The following LEKR1 variants were observed in gnomAD, a reference collection of about 807,000 sequenced individuals.
LEKR1 encodes protein LEKR1.
A neutral mutation model predicts 72.4 loss-of-function variants in LEKR1; 59 were observed. That is an observed-to-expected ratio of 0.82 (90% confidence interval 0.66 to 1.01). LEKR1 has a LOEUF of 1.01. Among genes scored for constraint, LEKR1 ranks in the 50% least tolerant of loss-of-function variants. The pLI is 0.00. For synonymous variants in LEKR1, 257 were observed against 263.2 expected (o/e 0.98, Z 0.23); for missense variants, 728 against 759.2 (o/e 0.96, Z 0.48).
chr3:156,973,807 T>A (rs976589207), intron 6 of LEKR1, among the ~76,000 whole-genome samples: 3 of 152,094 alleles, frequency 2.0e-5, no homozygotes, highest in African/African-American at 7.2e-5. Context: ...GAACTGCAAG[T>A]TAAACCAGAG....
At chr3:156,858,357 CA>C (rs1479133595) in intron 3 of LEKR1, among the ~76,000 whole-genome samples, 22 of 151,980 alleles carry the variant, frequency 1.4e-4, no homozygotes, top group African/African-American at 5.3e-4. Flanking sequence ...TTAAATTAAT[CA>C]AATATGTTCC....
intron 5 of LEKR1, among the ~76,000 whole-genome samples, chr3:156,936,173 A>T (rs1725681362): frequency 6.6e-6 from 1 of 152,148 alleles, no homozygotes; most frequent in South Asian, 2.1e-4. Flanking sequence ...ATCAGGAAAA[A>T]TCTGGAGAGT....
chr3:157,013,680 A>G (rs1360000135), intron 10 of LEKR1, among the ~76,000 whole-genome samples: 1 of 152,120 alleles, frequency 6.6e-6, no homozygotes, highest in Non-Finnish European at 1.5e-5. Context: ...AGAAAAGCAA[A>G]GGACTAATAA....
At position 157,033,099 on chromosome 3, in the gene LEKR1, G is replaced by A. The variant is rs376488400; in HGVS notation, c.1668+4697G>A. Among the ~76,000 whole-genome samples the A allele has an allele frequency of 1.6e-4, 24 of 152,194 alleles. No homozygotes were observed. In the South Asian group the frequency reaches 3.9e-3, roughly 25 times the overall value. On this transcript the variant is annotated intron_variant, in intron 12 of 12. Coordinates refer to ENST00000356539, the MANE Select transcript of LEKR1 (RefSeq NM_001004316.3). ...TGTGTTCGGACTAATCCACTGACTG[G>A]CCAGTCCTCCATCTCTCTTCTGCTC... is the stretch of plus-strand genomic sequence containing the variant.
In LEKR1 at chr3:156,984,505, C is replaced by T. The variant is rs529805101; in HGVS notation, c.827+5230C>T. On this transcript the variant is annotated intron_variant, in intron 7 of 12. Transcript: ENST00000356539. ...CAGCCTGACCAATATGGTGAAACCT[C>T]GCCTTTACTAAAAATACAAAAATTA... is the stretch of plus-strand genomic sequence containing the variant. Among the ~76,000 whole-genome samples the T allele has an allele frequency of 3.9e-5, 6 of 151,986 alleles. 1 individual carries two copies. In the East Asian group the frequency reaches 1.2e-3, roughly 29 times the overall value.
rs1181112602 is a variant in LEKR1 at position 156,942,680 on chromosome 3, A to G, written c.711A>G (p.Gln237=). ...RTSRQQEVNL[Q]TRCYDLQKEV... ...CTAGACAACAGGAAGTAAACTTGCAAACCAGATGCTATGATTTGCAAAAAG... is the reference window on the plus strand; with the variant it reads ...CTAGACAACAGGAAGTAAACTTGCAGACCAGATGCTATGATTTGCAAAAAG... Residue 237 remains glutamine (Q), a synonymous_variant, in exon 6 of 13, where the codon CAA becomes CAG. Coordinates refer to ENST00000356539, the MANE Select transcript of LEKR1 (RefSeq NM_001004316.3). 7.9e-7 allele frequency: 1 copy of G among 1,261,870 alleles called. No individual in the cohort carries two copies. The highest frequency in any genetic ancestry group is 1.0e-6 in the Non-Finnish European group (1 of 979,426). 78.2% of individuals were successfully genotyped at this position (1,261,870 alleles called of 1,614,324 possible). A position where few individuals can be genotyped will look rare whatever the true frequency, so the allele number is the denominator to read the frequency against.
At chr3:156,893,526 C>A (rs1041895515) in intron 3 of LEKR1, among the ~76,000 whole-genome samples, 1 of 151,990 alleles carries the variant, frequency 6.6e-6, no homozygotes, top group South Asian at 2.1e-4. Flanking sequence ...GGGGGTAGAT[C>A]CCTCATGACT....
intron 7 of LEKR1, among the ~76,000 whole-genome samples, chr3:156,983,454 T>C (rs559186002): frequency 6.6e-6 from 1 of 152,308 alleles, no homozygotes; most frequent in Admixed American, 6.5e-5. Flanking sequence ...GGACCAGATT[T>C]CTGGGCTCCT....
At chr3:156,880,198 G>A (rs1223061371) in intron 3 of LEKR1, among the ~76,000 whole-genome samples, 2 of 152,226 alleles carry the variant, frequency 1.3e-5, no homozygotes, top group Non-Finnish European at 2.9e-5. Context: ...CCCCTGCAAA[G>A]CCACAGGGGC....
intron 12 of LEKR1, among the ~76,000 whole-genome samples, chr3:157,042,306 A>G (rs778936914): frequency 1.1e-4 from 16 of 152,250 alleles, no homozygotes; most frequent in Admixed American, 2.6e-4. Context: ...CCTTGAAGAA[A>G]GATGAGTTGC....
chr3:156,836,644 C>G (rs982821628), intron 2 of LEKR1, among the ~76,000 whole-genome samples: 1 of 152,182 alleles, frequency 6.6e-6, no homozygotes, highest in African/African-American at 2.4e-5. Context: ...ACCAGTAAGT[C>G]TTATCTAAGA....
chr3:156,969,329 A>G (rs1176782114), intron 6 of LEKR1, among the ~76,000 whole-genome samples: 1 of 152,198 alleles, frequency 6.6e-6, no homozygotes. Flanking sequence ...CAATGAATCC[A>G]GGAGCTGGTT....
At chr3:156,894,237 T>C (rs562965443) in intron 3 of LEKR1, among the ~76,000 whole-genome samples, 1 of 152,294 alleles carries the variant, frequency 6.6e-6, no homozygotes, top group African/African-American at 2.4e-5. Flanking sequence ...CCATTTGACT[T>C]TCCTTCTTTT....
At chr3:156,911,915 A>G (rs1338324400) in intron 3 of LEKR1, among the ~76,000 whole-genome samples, 1 of 152,060 alleles carries the variant, frequency 6.6e-6, no homozygotes, top group Admixed American at 6.5e-5. Flanking sequence ...GCCTTATGGT[A>G]TAGTTTGAAG....
At chr3:156,921,799 C>A (rs1724225244) in intron 4 of LEKR1, among the ~76,000 whole-genome samples, 1 of 152,124 alleles carries the variant, frequency 6.6e-6, no homozygotes, top group African/African-American at 2.4e-5. Context: ...TGGGACTAGA[C>A]CAAATAATTA....
At chr3:157,022,474 A>C (rs569390350) in intron 10 of LEKR1, among the ~76,000 whole-genome samples, 1 of 152,298 alleles carries the variant, frequency 6.6e-6, no homozygotes, top group African/African-American at 2.4e-5. Flanking sequence ...GATGCAAAGC[A>C]TCTTTTGAAG....
At chr3:156,934,898 T>C (rs1291206431) in intron 5 of LEKR1, among the ~76,000 whole-genome samples, 1 of 152,152 alleles carries the variant, frequency 6.6e-6, no homozygotes, top group East Asian at 1.9e-4. Flanking sequence ...TATAGGTATG[T>C]ATCTTATTTA....
intron 3 of LEKR1, chr3:156,888,367 C>A: frequency 2.8e-6 from 2 of 702,320 alleles, no homozygotes; most frequent in Non-Finnish European, 5.2e-6. Context: ...AATGCCAGAT[C>A]TACAACATTC....
At chr3:156,920,789 A>G (rs892700570) in intron 4 of LEKR1, 95 bp downstream of exon 4, 11 of 676,054 alleles carry the variant, frequency 1.6e-5, no homozygotes, top group South Asian at 1.2e-4. Flanking sequence ...TATGGTTTCT[A>G]TATCTGGTGT....
Sources: allele counts gnomAD v4.1 joint callset (sites outside exome capture counted in the v4.1 genomes callset), GRCh38; gene constraint gnomAD v4.1.1; transcripts MANE v1.5; gene names NCBI Gene and HGNC (gene_info 2026-07-23, HGNC 2026-07-21).